ENOX1: variants seen among roughly 807,000 people sequenced by gnomAD.
ENOX1 encodes ecto-NOX disulfide-thiol exchanger 1, also known as candidate growth-related and time keeping constitutive hydroquinone (NADH) oxidase.
A neutral mutation model predicts 82.5 loss-of-function variants in ENOX1; 42 were observed. The observed-to-expected ratio is 0.51, with a 90% CI of 0.40 to 0.66. ENOX1 has a LOEUF of 0.66. ENOX1 is among the 30% of genes least tolerant of loss of function. ENOX1 has a pLI of 0.00. For missense variants in ENOX1, 608 were observed against 811.6 expected (o/e 0.75, Z 3.05); for synonymous variants, 271 against 282.2 (o/e 0.96, Z 0.40).
intron 2 of ENOX1, among the ~76,000 whole-genome samples, chr13:43,658,188 T>C (rs1213024294): frequency 5.9e-5 from 9 of 152,232 alleles, no homozygotes; most frequent in South Asian, 2.1e-4. Flanking sequence ...TCTGAAAATA[T>C]GTTATTTGAA....
At chr13:43,520,632 C>A (rs886233065) in intron 2 of ENOX1, among the ~76,000 whole-genome samples, 1 of 151,994 alleles carries the variant, frequency 6.6e-6, no homozygotes, top group African/African-American at 2.4e-5. Flanking sequence ...ACCATGCAGA[C>A]AGAGGATTAG....
intron 9 of ENOX1, among the ~76,000 whole-genome samples, chr13:43,340,565 A>C (rs2048992435): frequency 6.6e-6 from 1 of 152,204 alleles, no homozygotes; most frequent in Non-Finnish European, 1.5e-5. Context: ...CTACAACGTA[A>C]ATTTCTGATG....
chr13:43,585,104 A>C (rs1305130668), intron 2 of ENOX1, among the ~76,000 whole-genome samples: 1 of 152,228 alleles, frequency 6.6e-6, no homozygotes, highest in African/African-American at 2.4e-5. Context: ...GGATGATCCT[A>C]TGGACTCTAT....
At chr13:43,346,259 G>A (rs1353298077) in intron 8 of ENOX1, among the ~76,000 whole-genome samples, 1 of 152,108 alleles carries the variant, frequency 6.6e-6, no homozygotes, top group Non-Finnish European at 1.5e-5. Context: ...CTAATTCAAG[G>A]TCCTACGGCT....
chr13:43,711,496 A>G (rs1188735381), intron 1 of ENOX1, among the ~76,000 whole-genome samples: 2 of 152,138 alleles, frequency 1.3e-5, no homozygotes, highest in Admixed American at 6.5e-5. Context: ...GAATCACCAT[A>G]CTGACTTCCA....
At chr13:43,684,158 C>T (rs185765080) in intron 1 of ENOX1, among the ~76,000 whole-genome samples, 32 of 151,030 alleles carry the variant, frequency 2.1e-4, no homozygotes, top group African/African-American at 7.3e-4. Flanking sequence ...ACAACATCTC[C>T]CTCACTTGAG....
At chr13:43,312,768 G>C (rs1012634629) in intron 11 of ENOX1, among the ~76,000 whole-genome samples, 4 of 152,082 alleles carry the variant, frequency 2.6e-5, no homozygotes, top group Non-Finnish European at 5.9e-5. Context: ...AATTTTTAAG[G>C]GTGGCATTTC....
At chr13:43,275,401 T>C (rs534764692) in intron 12 of ENOX1, among the ~76,000 whole-genome samples, 112 of 152,282 alleles carry the variant, frequency 7.4e-4, no homozygotes, top group African/African-American at 2.6e-3. Flanking sequence ...CCACATCTTG[T>C]TGTAAGCTGA....
chr13:43,612,840 CCTTT>C (rs2082252838), intron 2 of ENOX1, among the ~76,000 whole-genome samples: 1 of 139,134 alleles, frequency 7.2e-6, no homozygotes. Flanking sequence ...TGTATCACTA[CCTTT>C]CTTACTTTTC....
chr13:43,300,914 C>T (rs1417426782), intron 11 of ENOX1, among the ~76,000 whole-genome samples: 1 of 150,332 alleles, frequency 6.7e-6, no homozygotes, highest in Non-Finnish European at 1.5e-5. Flanking sequence ...ACATAACCCG[C>T]AGCATGAGCC....
chr13:43,581,125 CTTTTTTTTTTTT>C (rs1174448355), intron 2 of ENOX1, among the ~76,000 whole-genome samples: 2 of 77,102 alleles, frequency 2.6e-5, no homozygotes, highest in South Asian at 1.2e-3. Context: ...CTACCTGATT[CTTTTTTTTTTTT>C]TTTTTTTTTT....
chr13:43,360,144 A>G, intron 6 of ENOX1, 87 bp from the exon 7 acceptor site: 1 of 1,225,626 alleles, frequency 8.2e-7, no homozygotes, highest in East Asian at 2.5e-5. Flanking sequence ...TTGCAGAGTA[A>G]CTTTCTCCAG....
At chr13:43,628,310 C>T (rs1282696471) in intron 2 of ENOX1, among the ~76,000 whole-genome samples, 1 of 152,138 alleles carries the variant, frequency 6.6e-6, no homozygotes, top group Non-Finnish European at 1.5e-5. Flanking sequence ...TCTCTTTACT[C>T]TCATCATTGA....
At chr13:43,495,577 T>A in intron 2 of ENOX1, among the ~76,000 whole-genome samples, 1 of 151,380 alleles carries the variant, frequency 6.6e-6, no homozygotes, top group Admixed American at 6.7e-5. Flanking sequence ...TACCATAACT[T>A]ATCCATTCTC....
At chr13:43,368,852 G>A (rs766471453) in intron 5 of ENOX1, among the ~76,000 whole-genome samples, 21 of 152,198 alleles carry the variant, frequency 1.4e-4, no homozygotes, top group Non-Finnish European at 2.6e-4. Flanking sequence ...GAAAGTGGAT[G>A]CCCAGAGAAG....
intron 11 of ENOX1, among the ~76,000 whole-genome samples, chr13:43,303,295 G>T (rs7334275): frequency 0.95 from 145,150 of 152,308 alleles, 69,588 homozygotes; most frequent in East Asian, 1. Flanking sequence ...TGCTCCACTA[G>T]GAAAGGGAGC....
intron 5 of ENOX1, among the ~76,000 whole-genome samples, chr13:43,383,702 TTC>T (rs1279260573): frequency 1.3e-5 from 2 of 152,154 alleles, no homozygotes; most frequent in Non-Finnish European, 2.9e-5. Context: ...ACAGAAAGGA[TTC>T]TCAGCAGAAC....
chr13:43,418,514 A>T (rs1458149674), intron 3 of ENOX1, among the ~76,000 whole-genome samples: 1 of 152,198 alleles, frequency 6.6e-6, no homozygotes, highest in Non-Finnish European at 1.5e-5. Context: ...GGCAACAGCA[A>T]GACTCTGTCT....
At chr13:43,628,823 T>C (rs1374552335) in intron 2 of ENOX1, among the ~76,000 whole-genome samples, 2 of 152,196 alleles carry the variant, frequency 1.3e-5, no homozygotes, top group African/African-American at 2.4e-5. Flanking sequence ...GGTTCCCCAC[T>C]TGGCCTTCGC....
Sources: gnomAD v4.1 joint callset for allele counts (sites outside exome capture counted in the v4.1 genomes callset) on GRCh38, gnomAD v4.1.1 for gene constraint, MANE v1.5 for transcripts, NCBI Gene and HGNC (gene_info 2026-07-23, HGNC 2026-07-21) for gene names.